The following ADAMTS18 variants were observed in gnomAD, a reference collection of about 807,000 sequenced individuals.
ADAMTS18 encodes ADAM metallopeptidase with thrombospondin type 1 motif 18, also known as A disintegrin and metalloproteinase with thrombospondin motifs 18.
Under a neutral mutation model 165.9 loss-of-function variants are expected in ADAMTS18, and 157 were observed. That is an observed-to-expected ratio of 0.95 (90% CI 0.83 to 1.08). The LOEUF is 1.08. Among genes scored for constraint, ADAMTS18 ranks in the 50% least tolerant of loss-of-function variants. The pLI is 0.00. For missense variants in ADAMTS18, 2,040 were observed against 1,534.0 expected, an observed-to-expected ratio of 1.33 and a Z score of -5.51; for synonymous variants, 782 against 578.2, an observed-to-expected ratio of 1.35 and a Z score of -5.06.
At chr16:77,350,834 G>A (rs1209701719) in intron 10 of ADAMTS18, among the ~76,000 whole-genome samples, 2 of 152,084 alleles carry the variant, frequency 1.3e-5, no homozygotes, top group Admixed American at 1.3e-4. Flanking sequence ...GCATCTGCTG[G>A]TCTGAGAGGA....
intron 5 of ADAMTS18, 40 bp downstream of exon 5, chr16:77,364,148 T>G (rs1481658172): frequency 6.2e-7 from 1 of 1,612,490 alleles, no homozygotes; most frequent in Admixed American, 1.7e-5. Flanking sequence ...GACATTTATT[T>G]TCTTTGGAGA....
rs3743753 is a variant in ADAMTS18, at chr16:77,283,407, T to C, written c.*549A>G. The C allele has an allele frequency of 0.34, 54,401 of 158,438 alleles. 11,513 individuals carry two copies. The highest frequency in any genetic ancestry group is 0.48 in the Non-Finnish European group (34,129 of 71,846). 9.8% of individuals were successfully genotyped at this position (158,438 alleles called of 1,614,324 possible). A position where few individuals can be genotyped will look rare whatever the true frequency, so the allele number is the denominator to read the frequency against. The stretch of plus-strand genomic sequence containing the variant: ...AAGACACACGCACACCAAATAAACA[T>C]AACATGAAGCTTGCCAGTCCAGCAG... On this transcript the variant is annotated 3_prime_UTR_variant, in exon 23 of 23. Transcript: ENST00000282849.
Position 77,386,328 on chromosome 16 carries a change from G to A in ADAMTS18, c.496-18605C>T, listed in dbSNP as rs28647552. Among the ~76,000 whole-genome samples the A allele has an allele frequency of 8.0e-3, 1,220 of 152,210 alleles. 17 individuals carry two copies. The highest frequency in any genetic ancestry group is 0.028 in the African/African-American group (1,167 of 41,538). On this transcript the variant is annotated intron_variant, in intron 3 of 22. Coordinates refer to ENST00000282849, the MANE Select transcript of ADAMTS18 (RefSeq NM_199355.4). Reference sequence around the variant, plus strand: ...TGGACTTTAGGATCCAAATTTCTAAGGTTTTAAAACCAATTTTATAAAATA... The same window carrying A: ...TGGACTTTAGGATCCAAATTTCTAAAGTTTTAAAACCAATTTTATAAAATA...
intron 16 of ADAMTS18, among the ~76,000 whole-genome samples, chr16:77,300,709 T>C (rs551026851): frequency 6.6e-6 from 1 of 152,056 alleles, no homozygotes; most frequent in Non-Finnish European, 1.5e-5. Context: ...CACACACATA[T>C]ATGTATCATA....
chr16:77,295,259 A>G (rs911489258), intron 18 of ADAMTS18, 132 bp from the exon 19 acceptor site: 3 of 933,442 alleles, frequency 3.2e-6, no homozygotes, highest in African/African-American at 3.3e-5. Context: ...AAGTTATTCT[A>G]ATTGTTCTTT....
At chr16:77,354,625 T>A (rs1252879366) in intron 9 of ADAMTS18, among the ~76,000 whole-genome samples, 1 of 152,038 alleles carries the variant, frequency 6.6e-6, no homozygotes, top group Non-Finnish European at 1.5e-5. Flanking sequence ...GGGGTCCTAA[T>A]CAACCATGCA....
chr16:77,432,161 C>G (rs1180020626), intron 2 of ADAMTS18, among the ~76,000 whole-genome samples: 1 of 152,170 alleles, frequency 6.6e-6, no homozygotes, highest in Non-Finnish European at 1.5e-5. Flanking sequence ...TAACAAGCAA[C>G]AGCATTTTCA....
In ADAMTS18 at chr16:77,434,725, G is replaced by A; in HGVS notation, c.-30C>T. The stretch of plus-strand genomic sequence containing the variant: ...AGGTGCGGACGCGGCGGCTGCGGGT[G>A]GCCAGACGCGGCAGGCGGAGCGCAC... On this transcript the variant is annotated 5_prime_UTR_variant, in exon 1 of 23. Transcript: ENST00000282849. 5 of 1,411,706 alleles carry A rather than the reference G, an allele frequency of 3.5e-6. No individual in the cohort carries two copies. The highest frequency in any genetic ancestry group is 3.7e-6 in the Non-Finnish European group (4 of 1,083,244). 87.4% of individuals were successfully genotyped at this position (1,411,706 alleles called of 1,614,324 possible).
chr16:77,342,026 C>T (rs1242138049), intron 10 of ADAMTS18, among the ~76,000 whole-genome samples: 1 of 152,116 alleles, frequency 6.6e-6, no homozygotes, highest in Non-Finnish European at 1.5e-5. Flanking sequence ...TTTGTAACAG[C>T]TGGTAGGTAG....
At chr16:77,429,145 T>C (rs776149827) in intron 3 of ADAMTS18, among the ~76,000 whole-genome samples, 1 of 152,226 alleles carries the variant, frequency 6.6e-6, no homozygotes, top group Non-Finnish European at 1.5e-5. Flanking sequence ...TGAATGTTTA[T>C]TGCTGCACTA....
intron 3 of ADAMTS18, among the ~76,000 whole-genome samples, chr16:77,403,560 T>C (rs896093996): frequency 2.0e-5 from 3 of 152,174 alleles, no homozygotes; most frequent in Non-Finnish European, 4.4e-5. Context: ...ATAGTAATAG[T>C]TCCCTGCCCT....
intron 22 of ADAMTS18, among the ~76,000 whole-genome samples, chr16:77,287,430 C>T (rs548928137): frequency 1.2e-4 from 18 of 152,186 alleles, no homozygotes; most frequent in Admixed American, 5.9e-4. Context: ...CACGTGGGCT[C>T]GTATCCTTTA....
At chr16:77,412,735 T>C (rs1218130278) in intron 3 of ADAMTS18, among the ~76,000 whole-genome samples, 1 of 152,148 alleles carries the variant, frequency 6.6e-6, no homozygotes, top group East Asian at 1.9e-4. Context: ...TCAGATCACA[T>C]GAGACTTATT....
intron 3 of ADAMTS18, among the ~76,000 whole-genome samples, chr16:77,382,875 A>C (rs1021432991): frequency 6.6e-6 from 1 of 152,080 alleles, no homozygotes; most frequent in Non-Finnish European, 1.5e-5. Flanking sequence ...ACTCCTCTTC[A>C]CACGTCAGCA....
chr16:77,296,982 A>T (rs774816237), intron 18 of ADAMTS18, among the ~76,000 whole-genome samples: 4 of 152,194 alleles, frequency 2.6e-5, no homozygotes, highest in Non-Finnish European at 5.9e-5. Flanking sequence ...TTTTTTAAAA[A>T]AATTTCTTTT....
rs752561557 is a variant in ADAMTS18 at position 77,362,155 on chromosome 16, A to T, written c.1166T>A (p.Leu389Gln). ...NGKRHDHAILLTGFDICSWKN... is the reference protein window; with the variant it reads ...NGKRHDHAILQTGFDICSWKN... ...CCAAGAACAAATATCAAATCCTGTT[A>T]GTAAGATGGCATGATCATGTCTCTT... Residue 389 changes from leucine (L) to glutamine (Q), a missense_variant, in exon 7 of 23, where the codon CTA becomes CAA. Physicochemically the swap from Leu to Gln is moderately radical, Grantham distance 113. Transcript: ENST00000282849. 1 of 1,614,144 alleles carries T rather than the reference A, an allele frequency of 6.2e-7. No homozygotes were observed.
intron 3 of ADAMTS18, among the ~76,000 whole-genome samples, chr16:77,394,142 C>T (rs979576192): frequency 5.3e-5 from 8 of 152,172 alleles, no homozygotes; most frequent in East Asian, 1.9e-4. Context: ...TAAAATGCAT[C>T]CTTAGCAGCC....
At chr16:77,426,864 A>T (rs1027197419) in intron 3 of ADAMTS18, among the ~76,000 whole-genome samples, 1 of 152,112 alleles carries the variant, frequency 6.6e-6, no homozygotes, top group African/African-American at 2.4e-5. Context: ...CTCTACAAAA[A>T]TTGGCCTGGT....
intron 10 of ADAMTS18, among the ~76,000 whole-genome samples, chr16:77,349,680 A>G (rs915903944): frequency 1.3e-5 from 2 of 152,150 alleles, no homozygotes; most frequent in Non-Finnish European, 2.9e-5. Context: ...CATCTTCAGG[A>G]AAAGGCATAG....
Sources: gnomAD v4.1 joint callset for allele counts (sites outside exome capture counted in the v4.1 genomes callset) on GRCh38, gnomAD v4.1.1 for gene constraint, MANE v1.5 for transcripts, NCBI Gene and HGNC (gene_info 2026-07-23, HGNC 2026-07-21) for gene names.